Variants in BET1 observed in about 807,000 individuals in gnomAD.
BET1 encodes the protein BET1 homolog.
BET1 carries 9 observed loss-of-function variants against 13.9 expected under a neutral mutation model. That is an observed-to-expected ratio of 0.65 (90% CI 0.39 to 1.13). The LOEUF is 1.13. Among genes scored for constraint, BET1 ranks in the 50% most tolerant of loss-of-function variants. The pLI is 0.01. For synonymous variants in BET1, 39 were observed against 47.3 expected, an observed-to-expected ratio of 0.82 and a Z score of 0.72; for missense variants, 127 against 133.6, an observed-to-expected ratio of 0.95 and a Z score of 0.24.
intron 6 of BET1, among the ~76,000 whole-genome samples, chr7:93,970,413 C>G (rs748466500): frequency 3.3e-5 from 5 of 151,812 alleles, no homozygotes; most frequent in Middle Eastern, 3.4e-3. Context: ...TTCTCCATCT[C>G]CATTAGCTCT....
At chr7:93,979,230 T>C (rs183349747) in intron 4 of BET1, among the ~76,000 whole-genome samples, 28 of 152,210 alleles carry the variant, frequency 1.8e-4, no homozygotes, top group Non-Finnish European at 4.0e-4. Flanking sequence ...GAATGTCTCA[T>C]AATAGGAAGG....
chr7:93,978,715 C>G lies in BET1; in HGVS notation c.236-2615G>C, dbSNP rs115346443. Among the ~76,000 whole-genome samples the G allele has an allele frequency of 2.9e-3, 441 of 152,202 alleles. 1 individual carries two copies. The highest frequency in any genetic ancestry group is 0.01 in the African/African-American group (416 of 41,514). On this transcript the variant is annotated intron_variant and NMD_transcript_variant, in intron 4 of 6. Coordinates refer to the BET1 transcript ENST00000357520. ...AAAATTACTGTAATATGCAAACTTA[C>G]ATCATGAAAATTAGGATATCAGTCA...
At chr7:93,972,632 A>G (rs1795274583) in exon 6 of BET1, 1 of 151,866 alleles carries the variant, frequency 6.6e-6, no homozygotes, top group Non-Finnish European at 1.5e-5. Flanking sequence ...AGTGGTAGAA[A>G]GCCATTTCCT....
intron 1 of BET1, among the ~76,000 whole-genome samples, chr7:94,001,867 T>C (rs1394635071): frequency 6.6e-6 from 1 of 152,222 alleles, no homozygotes; most frequent in Non-Finnish European, 1.5e-5. Context: ...AACTGCTATT[T>C]TTTCTTTCCT....
intron 4 of BET1, among the ~76,000 whole-genome samples, chr7:93,978,158 C>T (rs1034432563): frequency 6.6e-6 from 1 of 152,032 alleles, no homozygotes; most frequent in African/African-American, 2.4e-5. Flanking sequence ...CAGCCTCCAC[C>T]TCTGAGGCTA....
downstream of BET1, among the ~76,000 whole-genome samples, chr7:93,990,344 TATTA>T (rs1179096749): frequency 2.0e-5 from 3 of 152,162 alleles, no homozygotes; most frequent in Middle Eastern, 3.4e-3. Flanking sequence ...TCGAACTATT[TATTA>T]ATTAATGAGA....
chr7:93,997,941 A>G (rs186649582), intron 2 of BET1, among the ~76,000 whole-genome samples: 61 of 152,338 alleles, frequency 4.0e-4, no homozygotes, highest in African/African-American at 1.3e-3. Context: ...TATGTTCATA[A>G]GAAGAAAAGT....
exon 7 of BET1, chr7:93,964,326 T>C (rs1238834733): frequency 6.6e-6 from 1 of 152,074 alleles, no homozygotes; most frequent in Non-Finnish European, 1.5e-5. Context: ...CTACGTGCAC[T>C]CAATGTTTAG....
chr7:93,983,767 A>G (rs1795472439), intron 4 of BET1, among the ~76,000 whole-genome samples: 1 of 152,192 alleles, frequency 6.6e-6, no homozygotes. Flanking sequence ...AAAAAAGAAA[A>G]AAAAAGGAAA....
At chr7:93,995,831 A>G (rs1361947194) in intron 3 of BET1, among the ~76,000 whole-genome samples, 1 of 152,224 alleles carries the variant, frequency 6.6e-6, no homozygotes, top group East Asian at 1.9e-4. Flanking sequence ...GTTCAAATGT[A>G]TGAGCACTTT....
chr7:93,985,082 C>T (rs944586133), intron 4 of BET1, among the ~76,000 whole-genome samples: 1 of 152,206 alleles, frequency 6.6e-6, no homozygotes, highest in Middle Eastern at 3.4e-3. Flanking sequence ...CTATCCCATT[C>T]TCTCACCTCT....
At chr7:93,967,043 T>A (rs1795184867) in intron 6 of BET1, among the ~76,000 whole-genome samples, 1 of 151,974 alleles carries the variant, frequency 6.6e-6, no homozygotes, top group Non-Finnish European at 1.5e-5. Flanking sequence ...TGGAAACCAT[T>A]TTTCATTCAC....
downstream of BET1, among the ~76,000 whole-genome samples, chr7:93,990,164 T>A (rs1795604836): frequency 6.6e-6 from 1 of 151,938 alleles, no homozygotes; most frequent in Admixed American, 6.6e-5. Flanking sequence ...AAGCATTAAA[T>A]CTGTGTATAA....
In BET1 at chr7:93,993,992, A is replaced by T; in HGVS notation, c.*238T>A. 1 of 1,529,588 alleles carries T rather than the reference A, an allele frequency of 6.5e-7. No individual in the cohort carries two copies. The highest frequency in any genetic ancestry group is 1.2e-5 in the South Asian group (1 of 82,454). The allele number at this position is 1,529,588 out of a possible 1,614,324, so 94.8% of individuals were successfully genotyped here. ...ACAATAGAAAAACAAACTGGAAATT[A>T]GTGGAGCCACACCCTCTCACTACCC... On this transcript the variant is annotated 3_prime_UTR_variant, in exon 4 of 4. Transcript: ENST00000222547.
chr7:93,993,088 T>G (rs1795672832), downstream of BET1: 1 of 979,814 alleles, frequency 1.0e-6, no homozygotes, highest in Non-Finnish European at 1.2e-6. Context: ...TATAAAGAAT[T>G]AAAGAGATTT....
chr7:93,981,874 G>A lies in BET1; in HGVS notation c.236-5774C>T, dbSNP rs138043370. ...GTGCATGGCAGTGGCAGAAGTCACG[G>A]CATTAAACTATAAGACCAGTGGGCA... On this transcript the variant is annotated intron_variant and NMD_transcript_variant, in intron 4 of 6. Transcript: ENST00000357520. 3.5e-3 allele frequency among the ~76,000 whole-genome samples: 531 copies of A among 152,316 alleles called. 1 individual carries two copies. Among genetic ancestry groups the A allele is most frequent in the Admixed American group, 0.02 (304 of 15,286 alleles).
At chr7:93,976,867 C>A (rs1387563046) in intron 4 of BET1, among the ~76,000 whole-genome samples, 3 of 151,998 alleles carry the variant, frequency 2.0e-5, no homozygotes, top group Admixed American at 6.6e-5. Flanking sequence ...TCCGTTATAT[C>A]ATTCTTATGC....
chr7:93,995,500 T>C (rs1795745646), intron 3 of BET1, among the ~76,000 whole-genome samples: 1 of 152,204 alleles, frequency 6.6e-6, no homozygotes, highest in African/African-American at 2.4e-5. Flanking sequence ...TGCTTTTTCA[T>C]GGTTATGCAT....
chr7:93,990,003 T>C (rs932953992), downstream of BET1, among the ~76,000 whole-genome samples: 1 of 152,110 alleles, frequency 6.6e-6, no homozygotes, highest in Admixed American at 6.5e-5. Context: ...ATAGACATCA[T>C]CATAACATAT....
Sources: allele counts gnomAD v4.1 joint callset (sites outside exome capture counted in the v4.1 genomes callset), GRCh38; gene constraint gnomAD v4.1.1; transcripts MANE v1.5; gene names NCBI Gene and HGNC (gene_info 2026-07-23, HGNC 2026-07-21).